RANBP17: variants seen among roughly 807,000 people sequenced by gnomAD.
RANBP17 encodes the protein RAN binding protein 17.
RANBP17 carries 158 observed loss-of-function variants against 141.2 expected under a neutral mutation model. The observed-to-expected ratio is 1.12, with a 90% CI of 0.98 to 1.28. The LOEUF (loss-of-function observed/expected upper bound fraction) is 1.28. Among genes scored for constraint, RANBP17 ranks in the 50% most tolerant of loss-of-function variants. The pLI is 0.00. For missense variants in RANBP17, 1,438 were observed against 1,290.7 expected, an observed-to-expected ratio of 1.11 and a Z score of -1.75; for synonymous variants, 430 against 450.0, an observed-to-expected ratio of 0.96 and a Z score of 0.56.
chr5:171,090,054 G>A (rs556281571), intron 14 of RANBP17, among the ~76,000 whole-genome samples: 1 of 152,180 alleles, frequency 6.6e-6, no homozygotes, highest in Non-Finnish European at 1.5e-5. Flanking sequence ...CTGCTGAAAA[G>A]AGACCCGAAA....
rs749101696 is a variant in RANBP17, at chr5:171,213,729, T to C, written c.2330T>C (p.Met777Thr). Residue 777 changes from methionine to threonine, a missense_variant, in exon 21 of 28, where the codon ATG (methionine) becomes ACG (threonine). Physicochemically the swap from Met to Thr is moderately conservative, Grantham distance 81. Transcript: ENST00000523189. ...TPILKLMAEL[M>T]QNRSQRLNFD... ...ATCTTGAAACTTATGGCAGAACTTA[T>C]GCAAAACAGGTAAGCAGTGTGACAG... 1.6e-5 allele frequency: 25 copies of C among 1,610,704 alleles called. No homozygotes were observed. Among genetic ancestry groups the C allele is most frequent in the African/African-American group, 8.0e-5 (6 of 74,848 alleles).
intron 19 of RANBP17, among the ~76,000 whole-genome samples, chr5:171,205,015 G>A (rs765941864): frequency 2.6e-5 from 4 of 152,106 alleles, no homozygotes; most frequent in Admixed American, 1.3e-4. Context: ...GCCATTCTGC[G>A]TATATCATAG....
At chr5:171,077,105 C>T (rs1290176700) in intron 14 of RANBP17, among the ~76,000 whole-genome samples, 3 of 152,056 alleles carry the variant, frequency 2.0e-5, no homozygotes, top group Non-Finnish European at 4.4e-5. Flanking sequence ...TTTGGGAGGC[C>T]GAGGCAGGTG....
At chr5:170,962,110 C>CT (rs1251640582) in intron 13 of RANBP17, among the ~76,000 whole-genome samples, 3 of 152,218 alleles carry the variant, frequency 2.0e-5, no homozygotes, top group African/African-American at 7.2e-5. Flanking sequence ...CCTGATACAT[C>CT]TTGGAGCACC....
intron 5 of RANBP17, among the ~76,000 whole-genome samples, chr5:170,899,493 A>G (rs1276302895): frequency 1.3e-5 from 2 of 152,194 alleles, no homozygotes; most frequent in Non-Finnish European, 2.9e-5. Flanking sequence ...CTATCTTCCT[A>G]TTTGAATACT....
intron 14 of RANBP17, among the ~76,000 whole-genome samples, chr5:171,100,324 C>G (rs538404547): frequency 1.3e-5 from 2 of 152,070 alleles, no homozygotes; most frequent in African/African-American, 2.4e-5. Context: ...CTGGTTTAGT[C>G]TTGGGAAGTT....
chr5:171,089,927 C>T (rs889526834), intron 14 of RANBP17, among the ~76,000 whole-genome samples: 8 of 152,218 alleles, frequency 5.3e-5, no homozygotes, highest in Admixed American at 2.0e-4. Context: ...TTCTGCGTCG[C>T]TCACACTGGG....
At chr5:171,281,228 A>C (rs958822232) in intron 25 of RANBP17, among the ~76,000 whole-genome samples, 2 of 152,208 alleles carry the variant, frequency 1.3e-5, no homozygotes, top group Admixed American at 1.3e-4. Flanking sequence ...GAGATCCTGT[A>C]AACAAAAAAT....
chr5:171,239,869 ACCTGTTACTCTTAC>A (rs1389053581), intron 22 of RANBP17, among the ~76,000 whole-genome samples: 4 of 152,170 alleles, frequency 2.6e-5, no homozygotes, highest in African/African-American at 2.4e-5. Flanking sequence ...CAGCATTTCT[ACCTGTTACTCTTAC>A]CACCTCTAAC....
chr5:171,057,660 A>AAAGGACAG (rs1369422911), intron 14 of RANBP17, among the ~76,000 whole-genome samples: 2 of 74,458 alleles, frequency 2.7e-5, no homozygotes, highest in Admixed American at 1.5e-4. Context: ...GATAATTTAT[A>AAAGGACAG]AAGCTTCATT....
At position 171,078,586 on chromosome 5, in the gene RANBP17, G is replaced by A. The variant is rs550558583; in HGVS notation, c.1711-91544G>A. 5.3e-5 allele frequency among the ~76,000 whole-genome samples: 8 copies of A among 152,330 alleles called. No individual in the cohort carries two copies. The East Asian group carries it at 1.3e-3, about 26-fold the overall frequency. On this transcript the variant is annotated intron_variant, in intron 14 of 27. Transcript: ENST00000523189. ...TTCAAAAGACAGGCTGATTCTCTTA[G>A]TACAGGCTAATCCAGCTGGTGGCTT...
At chr5:170,862,990 A>G (rs1180236513) in intron 1 of RANBP17, among the ~76,000 whole-genome samples, 2 of 152,206 alleles carry the variant, frequency 1.3e-5, no homozygotes, top group African/African-American at 4.8e-5. Context: ...CTCTTAGCTG[A>G]GAGATGCTTT....
chr5:171,129,562 G>A (rs145351936), intron 14 of RANBP17, among the ~76,000 whole-genome samples: 7 of 152,274 alleles, frequency 4.6e-5, no homozygotes, highest in Non-Finnish European at 7.4e-5. Flanking sequence ...GTTTGGCTAG[G>A]CATTGCAGCT....
At chr5:171,232,727 A>G (rs1417983009) in intron 22 of RANBP17, among the ~76,000 whole-genome samples, 1 of 152,158 alleles carries the variant, frequency 6.6e-6, no homozygotes, top group Non-Finnish European at 1.5e-5. Flanking sequence ...AAGTGATATC[A>G]TAATATACTT....
intron 22 of RANBP17, among the ~76,000 whole-genome samples, chr5:171,227,670 G>A (rs1432446699): frequency 6.6e-6 from 1 of 152,178 alleles, no homozygotes; most frequent in African/African-American, 2.4e-5. Context: ...ATGCCATCTA[G>A]GACTTTCACA....
rs1199918076 is a variant in RANBP17 at position 170,919,453 on chromosome 5, GCTC to G, written c.1117_1119del (p.Pro373del). The G allele has an allele frequency of 3.2e-6, 5 of 1,575,492 alleles. No individual in the cohort carries two copies. On this transcript the variant is annotated inframe_deletion, in exon 11 of 28. Transcript: ENST00000523189. The stretch of plus-strand genomic sequence containing the variant: ...TATTTCTTTGTAGCACTGGGAATTT[GCTC>G]CTAACAGTGTTCATTATTTATTAAC...
intron 14 of RANBP17, among the ~76,000 whole-genome samples, chr5:171,098,183 C>A (rs1255417986): frequency 1.3e-5 from 2 of 152,116 alleles, no homozygotes; most frequent in African/African-American, 4.8e-5. Context: ...AATGGTATTT[C>A]TGATTCTAGA....
intron 27 of RANBP17, among the ~76,000 whole-genome samples, chr5:171,298,310 C>T (rs1768947154): frequency 6.6e-6 from 1 of 152,174 alleles, no homozygotes; most frequent in Non-Finnish European, 1.5e-5. Flanking sequence ...TCTTTTTCAG[C>T]TACTAAATTC....
chr5:171,130,486 G>A (rs527586437), intron 14 of RANBP17, among the ~76,000 whole-genome samples: 145 of 129,964 alleles, frequency 1.1e-3, no homozygotes, highest in African/African-American at 3.8e-3. Flanking sequence ...GCTCAGGCTG[G>A]AGTGCAATGG....
Sources: allele counts gnomAD v4.1 joint callset (sites outside exome capture counted in the v4.1 genomes callset), GRCh38; gene constraint gnomAD v4.1.1; transcripts MANE v1.5; gene names NCBI Gene and HGNC (gene_info 2026-07-23, HGNC 2026-07-21).